Variants in RUNX1T1 observed in about 807,000 individuals in gnomAD.
RUNX1T1 encodes RUNX1 partner transcriptional co-repressor 1.
RUNX1T1 carries 4 observed loss-of-function variants against 62.8 expected under a neutral mutation model. That is an observed-to-expected ratio of 0.06 (90% confidence interval 0.03 to 0.15). RUNX1T1 has a LOEUF of 0.15. Ranked by LOEUF, RUNX1T1 falls within the 10% of genes least tolerant of loss-of-function variation. The pLI, the probability that RUNX1T1 is intolerant of heterozygous loss-of-function variation, is 1.00. For missense variants in RUNX1T1, 508 were observed against 754.3 expected, an observed-to-expected ratio of 0.67 and a Z score of 3.82; for synonymous variants, 291 against 286.0, an observed-to-expected ratio of 1.02 and a Z score of -0.18.
At chr8:92,092,656 A>T (rs1237666584) in intron 1 of RUNX1T1, among the ~76,000 whole-genome samples, 2 of 152,204 alleles carry the variant, frequency 1.3e-5, no homozygotes, top group South Asian at 2.1e-4. Flanking sequence ...CAATACATGT[A>T]TTTAAACAGG....
chr8:91,993,757 C>G lies in RUNX1T1; in HGVS notation c.660-1868G>C, dbSNP rs373267575. ...CTGTAATCCCAGCACTTTGCGAGGC[C>G]GAGGCGGGAGGATCACCTGAGGTCA... On this transcript the variant is annotated intron_variant, in intron 5 of 10. Transcript: ENST00000396218. 5.3e-5 allele frequency among the ~76,000 whole-genome samples: 8 copies of G among 152,098 alleles called. No homozygotes were observed. In the East Asian group the frequency reaches 1.6e-3, roughly 29 times the overall value.
downstream of RUNX1T1, chr8:91,955,843 GGTTT>G (rs1293314837): frequency 2.6e-5 from 6 of 227,742 alleles, no homozygotes; most frequent in South Asian, 3.6e-4. Flanking sequence ...AGGGGAGAAG[GGTTT>G]GTTTTTCAAA....
intron 6 of RUNX1T1, 117 bp downstream of exon 7, chr8:91,991,522 G>T: frequency 8.9e-7 from 1 of 1,118,284 alleles, no homozygotes; most frequent in Non-Finnish European, 1.3e-6. Context: ...TATAAAGCAA[G>T]ATATGAGAAT....
chr8:92,040,991 T>C (rs921207024), intron 1 of RUNX1T1, among the ~76,000 whole-genome samples: 1 of 152,146 alleles, frequency 6.6e-6, no homozygotes, highest in Non-Finnish European at 1.5e-5. Context: ...TTACAAGCAT[T>C]AGCCACTGCA....
At chr8:91,996,624 A>G (rs7830403) in intron 5 of RUNX1T1, among the ~76,000 whole-genome samples, 37,073 of 152,040 alleles carry the variant, frequency 0.24, 4,887 homozygotes, top group African/African-American at 0.34. Context: ...TTAATGTTCT[A>G]AGCTCAGGGG....
At chr8:92,008,121 G>A (rs1460500823) in intron 4 of RUNX1T1, among the ~76,000 whole-genome samples, 1 of 151,976 alleles carries the variant, frequency 6.6e-6, no homozygotes, top group Non-Finnish European at 1.5e-5. Flanking sequence ...GATTTAAATT[G>A]TCCAAAACAA....
intron 1 of RUNX1T1, among the ~76,000 whole-genome samples, chr8:92,055,544 C>T (rs933638538): frequency 2.0e-5 from 3 of 152,118 alleles, no homozygotes; most frequent in Admixed American, 2.0e-4. Context: ...TGGATGCAAG[C>T]GATCCTCTTG....
intron 1 of RUNX1T1, chr8:92,094,984 CA>C: frequency 6.8e-7 from 1 of 1,463,316 alleles, no homozygotes; most frequent in South Asian, 1.2e-5. Context: ...TTCAGACTGG[CA>C]AAACTAAACC....
intron 1 of RUNX1T1, among the ~76,000 whole-genome samples, chr8:92,028,638 T>A (rs1446898147): frequency 6.6e-6 from 1 of 152,122 alleles, no homozygotes. Context: ...AAAATAAGGG[T>A]CCTTGTTTAA....
At chr8:92,094,706 C>T (rs1353905120) in intron 1 of RUNX1T1, among the ~76,000 whole-genome samples, 1 of 152,118 alleles carries the variant, frequency 6.6e-6, no homozygotes, top group African/African-American at 2.4e-5. Context: ...AAGGGGTAAA[C>T]GAAACTCCTG....
At chr8:92,060,737 C>A (rs1409840282) in intron 1 of RUNX1T1, among the ~76,000 whole-genome samples, 1 of 151,698 alleles carries the variant, frequency 6.6e-6, no homozygotes. Context: ...TATATATGGA[C>A]TAAAATAAGC....
chr8:91,957,041 A>G (rs1466910630), downstream of RUNX1T1: 2 of 217,360 alleles, frequency 9.2e-6, no homozygotes, highest in Non-Finnish European at 1.8e-5. Context: ...GACAGAGAAA[A>G]AGAGAAAGAG....
chr8:92,059,745 T>C (rs1450366160), intron 1 of RUNX1T1, among the ~76,000 whole-genome samples: 3 of 152,196 alleles, frequency 2.0e-5, no homozygotes, highest in Admixed American at 2.0e-4. Context: ...AAGGAAAATA[T>C]GTGGGCAATT....
intron 1 of RUNX1T1, among the ~76,000 whole-genome samples, chr8:92,053,028 GA>G (rs1830465531): frequency 6.6e-6 from 1 of 152,122 alleles, no homozygotes; most frequent in South Asian, 2.1e-4. Flanking sequence ...AAGAGATACT[GA>G]AACTCAAAAG....
chr8:91,972,429 C>T (rs189000362), intron 9 of RUNX1T1, among the ~76,000 whole-genome samples: 8 of 152,130 alleles, frequency 5.3e-5, no homozygotes, highest in Admixed American at 2.6e-4. Flanking sequence ...TATATTAAGC[C>T]GTTGTTAGCT....
rs771925154 is a variant in RUNX1T1, at chr8:92,062,949, C to T, written c.-397G>A. The T allele has an allele frequency of 3.0e-5, 37 of 1,250,228 alleles. 1 individual carries two copies. Among genetic ancestry groups the T allele is most frequent in the Middle Eastern group, 3.2e-4 (1 of 3,106 alleles). The allele number at this position is 1,250,228 out of a possible 1,614,324, so 77.4% of individuals were successfully genotyped here. On this transcript the variant is annotated 5_prime_UTR_variant, in exon 1 of 11. Transcript: ENST00000396218. ...AAATTCAGAATGATAAGCTAAATGC[C>T]GAATAATTTATTCACCACCACCCCC...
chr8:91,975,662 C>T (rs1283429602), intron 9 of RUNX1T1, among the ~76,000 whole-genome samples: 1 of 152,046 alleles, frequency 6.6e-6, no homozygotes, highest in Non-Finnish European at 1.5e-5. Flanking sequence ...GAAATATTGC[C>T]AGCTTCTCAA....
intron 9 of RUNX1T1, among the ~76,000 whole-genome samples, chr8:91,971,570 T>C (rs886483185): frequency 1.2e-4 from 19 of 152,350 alleles, no homozygotes; most frequent in Non-Finnish European, 2.9e-5. Flanking sequence ...AGTTTTACTT[T>C]TGAAAAGTCA....
upstream of RUNX1T1, chr8:92,102,801 T>G (rs1838100036): frequency 6.8e-7 from 1 of 1,475,384 alleles, no homozygotes; most frequent in Non-Finnish European, 8.9e-7. The surrounding 1 kb of genome is among the most constrained non-coding windows in gnomAD (Gnocchi z 4.5). Flanking sequence ...TTAATAACAG[T>G]CAGGGGCCCG....
Sources: gnomAD v4.1 joint callset for allele counts (sites outside exome capture counted in the v4.1 genomes callset) on GRCh38, gnomAD v4.1.1 for gene constraint, Gnocchi (gnomAD v3.1) non-coding constraint, MANE v1.5 for transcripts, NCBI Gene and HGNC (gene_info 2026-07-23, HGNC 2026-07-21) for gene names.